NSMCE1: variants seen among roughly 807,000 people sequenced by gnomAD.
NSMCE1 encodes NSE1 component of SMC5/6 complex, also known as non-structural maintenance of chromosomes element 1 homolog.
A neutral mutation model predicts 29.6 loss-of-function variants in NSMCE1; 18 were observed. The ratio of observed to expected loss-of-function variants is 0.61; its 90% confidence interval spans 0.42 to 0.90. NSMCE1 has a LOEUF of 0.90. Ranked by LOEUF, NSMCE1 falls within the 40% of genes least tolerant of loss-of-function variation. NSMCE1 has a pLI of 0.00. For missense variants in NSMCE1, 314 were observed against 343.6 expected (o/e 0.91, Z 0.68); for synonymous variants, 124 against 133.4 (o/e 0.93, Z 0.49).
chr16:27,264,685 T>C (rs1415711393), intron 1 of NSMCE1, among the ~76,000 whole-genome samples: 1 of 152,142 alleles, frequency 6.6e-6, no homozygotes, highest in Non-Finnish European at 1.5e-5. Context: ...TTTTAGGCAA[T>C]ATAGAGAATA....
At chr16:27,243,310 G>A (rs1002622939) in intron 2 of NSMCE1, among the ~76,000 whole-genome samples, 1 of 152,186 alleles carries the variant, frequency 6.6e-6, no homozygotes, top group Non-Finnish European at 1.5e-5. Flanking sequence ...TGATTAATGA[G>A]GTCACTCTGT....
intron 2 of NSMCE1, among the ~76,000 whole-genome samples, chr16:27,251,189 T>TATATATATATA (rs1459861130): frequency 1.7e-5 from 1 of 58,834 alleles, no homozygotes; most frequent in Non-Finnish European, 2.9e-5. Context: ...TATATATATA[T>TATATATATATA]AAATATATAT....
rs371713918 is a variant in NSMCE1 at position 27,233,019 on chromosome 16, T to C, written c.465A>G (p.Gln155=). 1.9e-6 allele frequency: 3 copies of C among 1,614,056 alleles called. No homozygotes were observed. In the African/African-American group the frequency reaches 4.0e-5, roughly 22 times the overall value. ...ACAGTACCTCAATCAGCCACTTGTT[T>C]TGAACAAACTTCTGCAGCACCTGCT... ...EAEQVLQKFV[Q]NKWLIEKEGE... is the part of the protein sequence containing the mutation. The change falls in exon 5 of 8, where the codon CAA becomes CAG. Residue 155 remains glutamine (Q), a synonymous_variant. Transcript: ENST00000361439.
intron 1 of NSMCE1, chr16:27,266,413 T>C (rs900907935): frequency 4.6e-5 from 7 of 152,138 alleles, no homozygotes; most frequent in Admixed American, 2.6e-4. Flanking sequence ...GGGAGAATGG[T>C]GGGATTAGCA....
At chr16:27,239,643 G>A (rs566337197) in intron 2 of NSMCE1, among the ~76,000 whole-genome samples, 57 of 152,276 alleles carry the variant, frequency 3.7e-4, no homozygotes, top group African/African-American at 1.3e-3. Context: ...TGGATCAGAG[G>A]CTGGTTCTCT....
intron 3 of NSMCE1, 67 bp from the exon 4 acceptor site, chr16:27,234,332 C>A: frequency 9.9e-7 from 1 of 1,014,048 alleles, no homozygotes; most frequent in African/African-American, 1.6e-5. Flanking sequence ...GTCGCTGGCT[C>A]TCCCTCCCTC....
chr16:27,267,739 T>C lies in NSMCE1; in HGVS notation c.-12+967A>G, dbSNP rs373297972. Among the ~76,000 whole-genome samples the C allele has an allele frequency of 5.6e-4, 85 of 152,104 alleles. 1 individual carries two copies. The highest frequency in any genetic ancestry group is 2.0e-3 in the African/African-American group (82 of 41,482). On this transcript the variant is annotated intron_variant, in intron 1 of 7. Coordinates refer to ENST00000361439, the MANE Select transcript of NSMCE1 (RefSeq NM_145080.4). The stretch of plus-strand genomic sequence containing the variant: ...CCAACAGTGTAAATATATGCATTTT[T>C]TTTTTTGAGACGGAGTTTCGCTCTT...
chr16:27,258,794 A>G (rs1429705530), intron 1 of NSMCE1, among the ~76,000 whole-genome samples: 1 of 151,194 alleles, frequency 6.6e-6, no homozygotes, highest in East Asian at 1.9e-4. Context: ...TCTGTTGCCC[A>G]GGCTGGAGTG....
intron 6 of NSMCE1, chr16:27,226,453 T>C (rs550381994): frequency 6.8e-6 from 3 of 442,180 alleles, no homozygotes; most frequent in Admixed American, 7.9e-5. Context: ...CACAGAACAC[T>C]CAGCCTTCCT....
intron 2 of NSMCE1, among the ~76,000 whole-genome samples, chr16:27,247,513 T>C (rs1362366909): frequency 6.6e-6 from 1 of 152,198 alleles, no homozygotes; most frequent in East Asian, 1.9e-4. Flanking sequence ...CAAGTTTCCT[T>C]GTGCCTCTTT....
chr16:27,262,051 C>T (rs1270217966), intron 1 of NSMCE1, among the ~76,000 whole-genome samples: 1 of 152,120 alleles, frequency 6.6e-6, no homozygotes, highest in Admixed American at 6.6e-5. Context: ...AGAGGCTAGC[C>T]TGGCCAACAT....
In NSMCE1 at chr16:27,235,188, A is replaced by ATGGGTCTCCCATCATC; in HGVS notation, c.232_247dup (p.Ile83ArgfsTer2). 6.2e-7 allele frequency: 1 copy of ATGGGTCTCCCATCATC among 1,613,970 alleles called. No individual in the cohort carries two copies. Among genetic ancestry groups the ATGGGTCTCCCATCATC allele is most frequent in the South Asian group, 1.1e-5 (1 of 91,044 alleles). ...CTGCCGGGCACTCACCAACGCATAAATGGGTCTCCCATCATCTTCCGTGAC... is the reference window on the plus strand; with the variant it reads ...CTGCCGGGCACTCACCAACGCATAAATGGGTCTCCCATCATCTGGGTCTCCCATCATCTTCCGTGAC... On this transcript the variant is annotated stop_gained and frameshift_variant, in exon 3 of 8. Coordinates refer to ENST00000361439, the MANE Select transcript of NSMCE1 (RefSeq NM_145080.4). LOFTEE classifies it high-confidence loss of function.
intron 1 of NSMCE1, among the ~76,000 whole-genome samples, chr16:27,263,555 T>TGGGAGGAGGAAGAAGAGC: frequency 1.3e-5 from 2 of 151,800 alleles, no homozygotes; most frequent in East Asian, 3.9e-4. Context: ...GGATGGAGGG[T>TGGGAGGAGGAAGAAGAGC]GGGAGGAGGA....
intron 2 of NSMCE1, among the ~76,000 whole-genome samples, chr16:27,251,679 G>A (rs1165858242): frequency 6.6e-6 from 1 of 152,196 alleles, no homozygotes; most frequent in Admixed American, 6.5e-5. Context: ...AGTTTGGGTA[G>A]AAATGGTGTG....
At chr16:27,249,809 G>T (rs1421994169) in intron 2 of NSMCE1, among the ~76,000 whole-genome samples, 1 of 152,132 alleles carries the variant, frequency 6.6e-6, no homozygotes, top group Admixed American at 6.5e-5. Flanking sequence ...AGCCTTGCTG[G>T]GATCTAACTG....
chr16:27,227,789 T>C (rs1032222345), intron 5 of NSMCE1, among the ~76,000 whole-genome samples: 7 of 75,254 alleles, frequency 9.3e-5, no homozygotes, highest in African/African-American at 1.5e-4. Context: ...TTTTCTTTTT[T>C]TTTTTTTTTT....
intron 1 of NSMCE1, among the ~76,000 whole-genome samples, chr16:27,267,414 AACTGAG>A (rs1308563989): frequency 3.3e-5 from 5 of 152,162 alleles, no homozygotes; most frequent in African/African-American, 9.7e-5. Context: ...CAGATGAGGA[AACTGAG>A]ACTAAGAGGG....
chr16:27,227,235 C>A (rs1220381859), intron 5 of NSMCE1, among the ~76,000 whole-genome samples: 1 of 152,336 alleles, frequency 6.6e-6, no homozygotes, highest in Non-Finnish European at 1.5e-5. Flanking sequence ...GCCACCCATC[C>A]CACTCCCAAA....
intron 5 of NSMCE1, among the ~76,000 whole-genome samples, chr16:27,229,433 G>A (rs753592755): frequency 1.3e-5 from 2 of 152,206 alleles, no homozygotes; most frequent in East Asian, 1.9e-4. Flanking sequence ...TCCTGTGTCC[G>A]CAGCACCTGC....
Sources: gnomAD v4.1 joint callset for allele counts (sites outside exome capture counted in the v4.1 genomes callset) on GRCh38, gnomAD v4.1.1 for gene constraint, MANE v1.5 for transcripts, NCBI Gene and HGNC (gene_info 2026-07-23, HGNC 2026-07-21) for gene names.